The following CACNA2D1 variants were observed in gnomAD, a reference collection of about 807,000 sequenced individuals.
CACNA2D1 encodes the protein voltage-dependent calcium channel subunit alpha-2/delta-1.
CACNA2D1 carries 53 observed loss-of-function variants against 171.5 expected under a neutral mutation model. The observed-to-expected ratio is 0.31, with a 90% confidence interval of 0.25 to 0.39. The LOEUF (loss-of-function observed/expected upper bound fraction) is 0.39. CACNA2D1 is among the 10% of genes least tolerant of loss of function. The pLI is 1.00. For missense variants in CACNA2D1, 903 were observed against 1,299.8 expected (o/e 0.69, Z 4.69); for synonymous variants, 442 against 443.1 (o/e 1.00, Z 0.03).
intron 5 of CACNA2D1, among the ~76,000 whole-genome samples, chr7:82,123,157 A>T (rs1789943186): frequency 6.6e-6 from 1 of 152,210 alleles, no homozygotes; most frequent in African/African-American, 2.4e-5. Flanking sequence ...TTTGGAAAGC[A>T]GCCCCAAAAA....
chr7:82,057,290 A>G (rs1806030246), intron 10 of CACNA2D1, among the ~76,000 whole-genome samples: 1 of 152,062 alleles, frequency 6.6e-6, no homozygotes, highest in East Asian at 1.9e-4. Flanking sequence ...TTGCCCCTAA[A>G]AGGCAGAATG....
At chr7:82,089,201 G>A (rs372019309) in intron 6 of CACNA2D1, among the ~76,000 whole-genome samples, 6 of 152,052 alleles carry the variant, frequency 3.9e-5, no homozygotes, top group Admixed American at 1.3e-4. Context: ...TATACTTCCA[G>A]TTTCTTGCTT....
intron 3 of CACNA2D1, among the ~76,000 whole-genome samples, chr7:82,216,171 TTATA>T (rs1801078621): frequency 6.6e-6 from 1 of 152,144 alleles, no homozygotes; most frequent in Admixed American, 6.6e-5. Context: ...AAAATGCATC[TTATA>T]AGCCTGTGGT....
At chr7:81,964,934 C>G (rs895934386) in intron 32 of CACNA2D1, among the ~76,000 whole-genome samples, 4 of 151,632 alleles carry the variant, frequency 2.6e-5, no homozygotes, top group African/African-American at 9.7e-5. Context: ...AAAAAAAGAT[C>G]AAATGCCCCC....
chr7:82,180,800 G>A (rs1345649171), intron 3 of CACNA2D1, among the ~76,000 whole-genome samples: 1 of 151,994 alleles, frequency 6.6e-6, no homozygotes, highest in East Asian at 1.9e-4. Context: ...TGAGGTGACA[G>A]GGAGCTCAGC....
chr7:82,219,833 T>C (rs1801556671), intron 3 of CACNA2D1, among the ~76,000 whole-genome samples: 1 of 152,270 alleles, frequency 6.6e-6, no homozygotes, highest in South Asian at 2.1e-4. Flanking sequence ...GAGAACAACA[T>C]TTAAATATCA....
At chr7:82,252,539 G>A (rs1044824265) in intron 3 of CACNA2D1, among the ~76,000 whole-genome samples, 1 of 152,186 alleles carries the variant, frequency 6.6e-6, no homozygotes, top group Non-Finnish European at 1.5e-5. Flanking sequence ...AATAGTAGGT[G>A]TTACACTACT....
chr7:82,329,132 A>G (rs1402564331), intron 3 of CACNA2D1, among the ~76,000 whole-genome samples: 1 of 152,174 alleles, frequency 6.6e-6, no homozygotes, highest in Non-Finnish European at 1.5e-5. Context: ...GTTAAAGAAA[A>G]AAAAAACTAT....
intron 6 of CACNA2D1, among the ~76,000 whole-genome samples, chr7:82,113,143 A>G (rs1447670135): frequency 6.6e-6 from 1 of 152,128 alleles, no homozygotes; most frequent in African/African-American, 2.4e-5. Context: ...GCTTTATGCA[A>G]GTTGGGGTTT....
intron 3 of CACNA2D1, among the ~76,000 whole-genome samples, chr7:82,217,768 C>A (rs1440497706): frequency 6.7e-6 from 1 of 150,212 alleles, no homozygotes. Context: ...GTAAAATATA[C>A]CACTAATACT....
At chr7:82,321,739 G>T (rs1272473947) in intron 3 of CACNA2D1, among the ~76,000 whole-genome samples, 1 of 152,082 alleles carries the variant, frequency 6.6e-6, no homozygotes, top group Non-Finnish European at 1.5e-5. Context: ...CTTCTAAAAA[G>T]AATGCCAATC....
intron 1 of CACNA2D1, among the ~76,000 whole-genome samples, chr7:82,354,942 A>T (rs922682237): frequency 6.6e-6 from 1 of 152,206 alleles, no homozygotes; most frequent in Non-Finnish European, 1.5e-5. Flanking sequence ...ATTATACTGT[A>T]TTCATAAACA....
intron 1 of CACNA2D1, among the ~76,000 whole-genome samples, chr7:82,392,442 G>A (rs553748773): frequency 3.3e-5 from 5 of 152,256 alleles, no homozygotes; most frequent in Admixed American, 2.0e-4. Flanking sequence ...TTTCTCAGAC[G>A]CGGGACAAGA....
chr7:81,994,788 T>C (rs1039761379), intron 20 of CACNA2D1, 80 bp downstream of exon 20: 3 of 769,646 alleles, frequency 3.9e-6, no homozygotes, highest in Non-Finnish European at 4.5e-6. Context: ...AGTGGATTAA[T>C]AGAAAAAAAG....
chr7:82,431,544 G>A (rs1377713442), intron 1 of CACNA2D1, among the ~76,000 whole-genome samples: 2 of 152,128 alleles, frequency 1.3e-5, no homozygotes, highest in Non-Finnish European at 2.9e-5. Flanking sequence ...GATAATAGAT[G>A]CTAAGACCTC....
chr7:82,152,325 T>C (rs10268861), intron 4 of CACNA2D1, among the ~76,000 whole-genome samples: 40,737 of 142,794 alleles, frequency 0.29, 6,274 homozygotes, highest in African/African-American at 0.44. Context: ...CTAAGAATTT[T>C]CTTAAAACCT....
intron 3 of CACNA2D1, among the ~76,000 whole-genome samples, chr7:82,306,640 A>C (rs1168656402): frequency 6.6e-6 from 1 of 152,084 alleles, no homozygotes. Context: ...CTGCTATCCT[A>C]ATCTATTTCT....
intron 4 of CACNA2D1, among the ~76,000 whole-genome samples, chr7:82,155,212 AC>A (rs1794259873): frequency 6.6e-6 from 1 of 152,088 alleles, no homozygotes; most frequent in Non-Finnish European, 1.5e-5. Flanking sequence ...AGCCAGTTAA[AC>A]CTATTTTCTT....
chr7:82,169,923 AAGG>A (rs906061770), intron 4 of CACNA2D1, among the ~76,000 whole-genome samples: 28 of 151,828 alleles, frequency 1.8e-4, no homozygotes, highest in Admixed American at 9.9e-4. Context: ...ACCTTACCAC[AAGG>A]AGAATTTCTG....
Sources: gnomAD v4.1 joint callset for allele counts (sites outside exome capture counted in the v4.1 genomes callset) on GRCh38, gnomAD v4.1.1 for gene constraint, MANE v1.5 for transcripts, NCBI Gene and HGNC (gene_info 2026-07-23, HGNC 2026-07-21) for gene names.